GSG1L: variants seen among roughly 807,000 people sequenced by gnomAD.
GSG1L encodes the protein germ cell-specific gene 1-like protein.
GSG1L carries 24 observed loss-of-function variants against 42.1 expected under a neutral mutation model. The ratio of observed to expected loss-of-function variants is 0.57; its 90% CI spans 0.41 to 0.80. GSG1L has a LOEUF of 0.80. Among genes scored for constraint, GSG1L ranks in the 30% least tolerant of loss-of-function variants. The probability of loss-of-function intolerance (pLI) is 0.00; values close to 1 mark genes in which losing one functional copy is unlikely to be tolerated. For synonymous variants in GSG1L, 215 were observed against 203.5 expected, an observed-to-expected ratio of 1.06 and a Z score of -0.48; for missense variants, 445 against 472.2, an observed-to-expected ratio of 0.94 and a Z score of 0.53.
chr16:27,875,616 C>A (rs143874229), intron 3 of GSG1L, among the ~76,000 whole-genome samples: 149 of 152,286 alleles, frequency 9.8e-4, no homozygotes, highest in Non-Finnish European at 1.6e-3. Flanking sequence ...CACTTGCCTG[C>A]TGTTGCATGA....
At chr16:27,887,344 G>C (rs1433739875) in intron 2 of GSG1L, among the ~76,000 whole-genome samples, 2 of 152,180 alleles carry the variant, frequency 1.3e-5, no homozygotes, top group African/African-American at 2.4e-5. Context: ...GCCTTCCTGA[G>C]AGTGAACCCA....
intron 2 of GSG1L, among the ~76,000 whole-genome samples, chr16:27,893,895 A>T (rs1432698212): frequency 6.6e-6 from 1 of 152,132 alleles, no homozygotes; most frequent in Non-Finnish European, 1.5e-5. Context: ...TGGAACTACA[A>T]GCATGCACCA....
intron 2 of GSG1L, among the ~76,000 whole-genome samples, chr16:27,890,702 C>T (rs371133675): frequency 6.6e-6 from 1 of 152,184 alleles, no homozygotes; most frequent in African/African-American, 2.4e-5. Flanking sequence ...AGGACAATGA[C>T]ATGCAGAGCC....
intron 2 of GSG1L, among the ~76,000 whole-genome samples, chr16:27,945,848 G>A (rs1328060453): frequency 2.0e-5 from 3 of 152,258 alleles, no homozygotes; most frequent in Non-Finnish European, 4.4e-5. Flanking sequence ...AGGCTTTGCA[G>A]CATCTCCAGG....
intron 2 of GSG1L, among the ~76,000 whole-genome samples, chr16:27,894,578 T>C (rs1001552548): frequency 6.6e-6 from 1 of 152,148 alleles, no homozygotes; most frequent in Non-Finnish European, 1.5e-5. Flanking sequence ...GCATGTTGAA[T>C]CATGTAGATG....
At chr16:27,844,013 C>T (rs1046814878) in intron 4 of GSG1L, among the ~76,000 whole-genome samples, 1 of 152,134 alleles carries the variant, frequency 6.6e-6, no homozygotes, top group East Asian at 1.9e-4. Flanking sequence ...GTGGAGGGTG[C>T]CAAGCTCAGA....
chr16:27,811,210 T>G (rs1413134656), intron 5 of GSG1L, among the ~76,000 whole-genome samples: 1 of 152,250 alleles, frequency 6.6e-6, no homozygotes, highest in East Asian at 1.9e-4. Flanking sequence ...TTTTTGAAAC[T>G]GATTTTCTTT....
At chr16:27,808,268 A>G (rs1158888521) in intron 5 of GSG1L, among the ~76,000 whole-genome samples, 2 of 152,084 alleles carry the variant, frequency 1.3e-5, no homozygotes, top group East Asian at 3.9e-4. Context: ...AAATTTTTCT[A>G]TAGAGATAGG....
intron 1 of GSG1L, among the ~76,000 whole-genome samples, chr16:27,964,333 AAAAAAATGT>A (rs1240916512): frequency 6.6e-6 from 1 of 152,194 alleles, no homozygotes; most frequent in African/African-American, 2.4e-5. Flanking sequence ...CAAAAAAAAA[AAAAAAATGT>A]GCATATCAGC....
At chr16:27,923,417 C>T (rs1451774988) in intron 2 of GSG1L, among the ~76,000 whole-genome samples, 1 of 152,200 alleles carries the variant, frequency 6.6e-6, no homozygotes, top group Non-Finnish European at 1.5e-5. Context: ...GGAGACCTCA[C>T]CAGAAATCCT....
At chr16:27,901,422 G>A (rs1400778845) in intron 2 of GSG1L, among the ~76,000 whole-genome samples, 2 of 152,188 alleles carry the variant, frequency 1.3e-5, no homozygotes, top group Non-Finnish European at 1.5e-5. Flanking sequence ...ACGTGATCCT[G>A]CCACCTCAGT....
chr16:27,845,095 A>G (rs1179601119), intron 3 of GSG1L, 34 bp from the exon 4 acceptor site: 5 of 1,457,214 alleles, frequency 3.4e-6, no homozygotes, highest in Middle Eastern at 1.7e-4. Context: ...AGCGTCAGGA[A>G]GTAAGGAAGG....
chr16:27,954,525 C>T (rs2084985002), intron 2 of GSG1L, among the ~76,000 whole-genome samples: 1 of 152,130 alleles, frequency 6.6e-6, no homozygotes, highest in South Asian at 2.1e-4. Flanking sequence ...CCATTTGATT[C>T]CCAGAATGCT....
chr16:27,944,532 G>A (rs1396188429), intron 2 of GSG1L, among the ~76,000 whole-genome samples: 1 of 151,416 alleles, frequency 6.6e-6, no homozygotes, highest in Admixed American at 6.6e-5. Context: ...TGAGGCAGGA[G>A]AATTGCTTGA....
chr16:28,043,706 GA>G (rs1269236871), intron 1 of GSG1L, among the ~76,000 whole-genome samples: 5 of 152,230 alleles, frequency 3.3e-5, no homozygotes, highest in African/African-American at 1.2e-4. Flanking sequence ...CCGGAGGAAT[GA>G]AAAATGGTAC....
intron 2 of GSG1L, among the ~76,000 whole-genome samples, chr16:27,913,002 T>TG (rs2084410119): frequency 2.6e-5 from 4 of 152,142 alleles, no homozygotes; most frequent in Admixed American, 2.0e-4. Context: ...TGTTTTTTTT[T>TG]AATGGAGACA....
chr16:28,004,753 G>A (rs2085620898), intron 1 of GSG1L, among the ~76,000 whole-genome samples: 1 of 151,974 alleles, frequency 6.6e-6, no homozygotes, highest in African/African-American at 2.4e-5. Flanking sequence ...TCTCCAACCT[G>A]GGCAACAGAG....
intron 1 of GSG1L, among the ~76,000 whole-genome samples, chr16:27,974,542 A>C (rs1287462965): frequency 6.6e-6 from 1 of 152,154 alleles, no homozygotes; most frequent in South Asian, 2.1e-4. Context: ...TACAGGAATA[A>C]ATGACTAGGG....
chr16:28,023,888 G>A (rs977735212), intron 1 of GSG1L, among the ~76,000 whole-genome samples: 1 of 152,076 alleles, frequency 6.6e-6, no homozygotes, highest in African/African-American at 2.4e-5. Context: ...AAATTAGCCA[G>A]GTGTGGGGGT....
Sources: gnomAD v4.1 joint callset for allele counts (sites outside exome capture counted in the v4.1 genomes callset) on GRCh38, gnomAD v4.1.1 for gene constraint, MANE v1.5 for transcripts, NCBI Gene and HGNC (gene_info 2026-07-23, HGNC 2026-07-21) for gene names.